Variants in SLIT1 observed in about 807,000 individuals in gnomAD.
SLIT1 encodes the protein slit guidance ligand 1.
SLIT1 carries 66 observed loss-of-function variants against 186.1 expected under a neutral mutation model. The ratio of observed to expected loss-of-function variants is 0.35; its 90% confidence interval spans 0.29 to 0.44. The LOEUF (loss-of-function observed/expected upper bound fraction) is 0.44, where lower values mean the gene tolerates loss of function less well. Among genes scored for constraint, SLIT1 ranks in the 20% least tolerant of loss-of-function variants. The pLI, the probability that SLIT1 is intolerant of heterozygous loss-of-function variation, is 1.00. For missense variants in SLIT1, 1,638 were observed against 2,037.4 expected (o/e 0.80, Z 3.77); for synonymous variants, 761 against 833.8 (o/e 0.91, Z 1.50).
At chr10:97,124,630 G>A (rs1796253139) in intron 4 of SLIT1, among the ~76,000 whole-genome samples, 1 of 152,194 alleles carries the variant, frequency 6.6e-6, no homozygotes, top group African/African-American at 2.4e-5. Flanking sequence ...GAGCTTTGCA[G>A]ACAGTCTTGA....
intron 1 of SLIT1, among the ~76,000 whole-genome samples, chr10:97,170,646 G>T (rs10882868): frequency 2.6e-5 from 4 of 152,146 alleles, no homozygotes; most frequent in African/African-American, 9.7e-5. Flanking sequence ...CCCCAAGGAG[G>T]AAAAATGCTC....
intron 4 of SLIT1, among the ~76,000 whole-genome samples, chr10:97,108,842 C>T (rs961337867): frequency 2.2e-5 from 3 of 133,948 alleles, no homozygotes; most frequent in East Asian, 2.3e-4. Flanking sequence ...GAGCTAAGAT[C>T]GCGCCACTGC....
At chr10:97,042,099 A>C (rs1431517748) in intron 20 of SLIT1, among the ~76,000 whole-genome samples, 1 of 152,156 alleles carries the variant, frequency 6.6e-6, no homozygotes, top group Non-Finnish European at 1.5e-5. Flanking sequence ...TTTAGAAAAT[A>C]CCCTGATGGT....
chr10:97,015,710 T>G (rs914537646), intron 28 of SLIT1, among the ~76,000 whole-genome samples: 1 of 152,264 alleles, frequency 6.6e-6, no homozygotes, highest in African/African-American at 2.4e-5. Context: ...AATCCAATTC[T>G]ATAATACAGT....
intron 4 of SLIT1, among the ~76,000 whole-genome samples, chr10:97,123,208 C>CG (rs1158722820): frequency 1.3e-5 from 2 of 152,214 alleles, no homozygotes; most frequent in Non-Finnish European, 2.9e-5. Flanking sequence ...AGTCAATGCC[C>CG]GGCCTTCCCT....
At position 97,043,375 on chromosome 10, in the gene SLIT1, G is replaced by A. The variant is rs768861079; in HGVS notation, c.1992C>T (p.Ser664=). 24 of 1,613,380 alleles carry A rather than the reference G, an allele frequency of 1.5e-5. No homozygotes were observed. The highest frequency in any genetic ancestry group is 1.1e-4 in the African/African-American group (8 of 74,908). Residue 664 remains serine, a synonymous_variant, in exon 19 of 37, where the codon TCC becomes TCT. Coordinates refer to ENST00000266058, the MANE Select transcript of SLIT1 (RefSeq NM_003061.3). This position sits in a 1 kb window ranked among gnomAD's most constrained non-coding sequence, Gnocchi z 7.0. ...PGAFDTLQSL[S]TLNLLANPFN... ...GTCCTGGAGGCCGGACTCACAGTGT[G>A]GAGAGGGACTGGAGGGTGTCGAAGG...
intron 12 of SLIT1, 136 bp downstream of exon 12, chr10:97,057,074 G>A (rs1848844100): frequency 1.5e-6 from 1 of 659,886 alleles, no homozygotes; most frequent in East Asian, 2.8e-5. Context: ...AGCCCTAGTG[G>A]GTCTGCCTGT....
chr10:97,018,341 G>A (rs1848471892), intron 28 of SLIT1, among the ~76,000 whole-genome samples: 1 of 152,222 alleles, frequency 6.6e-6, no homozygotes, highest in Non-Finnish European at 1.5e-5. Context: ...GGGGAGCTGT[G>A]CGGCTTAGGT....
intron 13 of SLIT1, among the ~76,000 whole-genome samples, chr10:97,049,484 C>T (rs1848768631): frequency 1.3e-5 from 2 of 152,240 alleles, no homozygotes; most frequent in Non-Finnish European, 2.9e-5. Flanking sequence ...CCAGAGCACC[C>T]CTGGCCTTTC....
chr10:97,110,963 GA>G (rs1849458748), intron 4 of SLIT1, among the ~76,000 whole-genome samples: 1 of 152,178 alleles, frequency 6.6e-6, no homozygotes, highest in African/African-American at 2.4e-5. Context: ...AGCACTTTGG[GA>G]TAAATCACCT....
intron 25 of SLIT1, among the ~76,000 whole-genome samples, chr10:97,029,849 G>C (rs1190096706): frequency 2.0e-5 from 3 of 152,152 alleles, no homozygotes; most frequent in African/African-American, 7.2e-5. Context: ...GAATTTGACT[G>C]TTCTAGGTAC....
intron 13 of SLIT1, among the ~76,000 whole-genome samples, chr10:97,052,323 C>A (rs1208997889): frequency 6.6e-6 from 1 of 152,154 alleles, no homozygotes; most frequent in Non-Finnish European, 1.5e-5. Flanking sequence ...TAGTCTCAAA[C>A]TCCTGGCCTC....
At chr10:97,171,889 G>A (rs1850194308) in intron 1 of SLIT1, among the ~76,000 whole-genome samples, 2 of 151,606 alleles carry the variant, frequency 1.3e-5, no homozygotes, top group South Asian at 4.2e-4. Context: ...CACCAACCCA[G>A]CCTGCCCCAT....
chr10:97,147,284 C>CTAT (rs1849827840), intron 4 of SLIT1, among the ~76,000 whole-genome samples: 1 of 152,052 alleles, frequency 6.6e-6, no homozygotes, highest in Non-Finnish European at 1.5e-5. Flanking sequence ...GGATGAGGAG[C>CTAT]TATTGCTCAA....
intron 4 of SLIT1, among the ~76,000 whole-genome samples, chr10:97,131,923 TG>T (rs1242244826): frequency 2.0e-5 from 3 of 152,362 alleles, no homozygotes; most frequent in Non-Finnish European, 4.4e-5. Flanking sequence ...AACGTGCCCA[TG>T]TGGCAGAGCT....
chr10:97,105,220 GACCACTCAGTTCCATTC>G (rs1375772743), intron 4 of SLIT1, among the ~76,000 whole-genome samples: 9 of 152,126 alleles, frequency 5.9e-5, no homozygotes, highest in Non-Finnish European at 1.3e-4. Context: ...TAAATCTGAT[GACCACTCAGTTCCATTC>G]ACCACCGTCT....
rs72821721 is a variant in SLIT1 at position 97,111,500 on chromosome 10, G to A, written c.414-45414C>T. On this transcript the variant is annotated intron_variant, in intron 4 of 36. Coordinates refer to ENST00000266058, the MANE Select transcript of SLIT1 (RefSeq NM_003061.3). The stretch of plus-strand genomic sequence containing the variant: ...AGGCCAGGGTCATCAAGCTGCTCCC[G>A]CCGCGGAGAAACCAAACATACCCTG... Among the ~76,000 whole-genome samples the A allele has an allele frequency of 9.6e-3, 1,467 of 152,202 alleles. 10 individuals are homozygous for A. The highest frequency in any genetic ancestry group is 0.011 in the Non-Finnish European group (765 of 68,020).
chr10:97,185,853 G>A lies in SLIT1; in HGVS notation c.-179C>T, dbSNP rs1020904210. 2.2e-5 allele frequency: 12 copies of A among 537,206 alleles called. No individual in the cohort carries two copies. Among genetic ancestry groups the A allele is most frequent in the African/African-American group, 2.2e-4 (11 of 49,570 alleles). The allele number at this position is 537,206 out of a possible 1,614,324, so 33.3% of individuals were successfully genotyped here. A position where few individuals can be genotyped will look rare whatever the true frequency, so the allele number is the denominator to read the frequency against. On this transcript the variant is annotated 5_prime_UTR_variant, in exon 1 of 37. Coordinates refer to ENST00000266058, the MANE Select transcript of SLIT1 (RefSeq NM_003061.3). ...CCTCCAAGCGACGGCGCCTGTGCGC[G>A]GACGGAGGGAGGGCGCCTTGGGCGG...
At position 97,043,070 on chromosome 10, in the gene SLIT1, G is replaced by A. The variant is rs147075368; in HGVS notation, c.1998-3C>T. ...TGAAAGGGTTGGCCAGGAGATTCCT[G>A]GAAGAGGCAGGCCAGGCGGCCATGG... On this transcript the variant is annotated splice_region_variant and splice_polypyrimidine_tract_variant and intron_variant, in intron 19 of 36. Transcript: ENST00000266058. This position sits in a 1 kb window ranked among gnomAD's most constrained non-coding sequence, Gnocchi z 7.0. 5.6e-5 allele frequency: 91 copies of A among 1,613,350 alleles called. No homozygotes were observed. In the African/African-American group the frequency reaches 8.5e-4, roughly 15 times the overall value.
Sources: allele counts gnomAD v4.1 joint callset (sites outside exome capture counted in the v4.1 genomes callset), GRCh38; gene constraint gnomAD v4.1.1; non-coding constraint Gnocchi (gnomAD v3.1); transcripts MANE v1.5; gene names NCBI Gene and HGNC (gene_info 2026-07-23, HGNC 2026-07-21).